TLE4: variants seen among roughly 807,000 people sequenced by gnomAD.
TLE4 encodes TLE family member 4, transcriptional corepressor.
A neutral mutation model predicts 92.8 loss-of-function variants in TLE4; 8 were observed. The ratio of observed to expected loss-of-function variants is 0.09; its 90% CI spans 0.05 to 0.16. The LOEUF (loss-of-function observed/expected upper bound fraction) is 0.16, where lower values mean the gene tolerates loss of function less well. Ranked by LOEUF, TLE4 falls within the 10% of genes least tolerant of loss-of-function variation. The pLI, the probability that TLE4 is intolerant of heterozygous loss-of-function variation, is 1.00. For missense variants in TLE4, 675 were observed against 997.6 expected, an observed-to-expected ratio of 0.68 and a Z score of 4.36; for synonymous variants, 371 against 374.1, an observed-to-expected ratio of 0.99 and a Z score of 0.10.
intron 14 of TLE4, chr9:79,717,936 G>T (rs1047065249): frequency 6.6e-6 from 3 of 456,028 alleles, no homozygotes; most frequent in African/African-American, 6.0e-5. Flanking sequence ...CCTGACTTCA[G>T]TGCCCTAAAA....
chr9:79,576,850 G>A (rs1388838221), intron 4 of TLE4: 1 of 151,224 alleles, frequency 6.6e-6, no homozygotes, highest in Non-Finnish European at 1.5e-5. Context: ...TGAGAGATAC[G>A]ACTCAAACAG....
chr9:79,572,742 C>G lies in TLE4; in HGVS notation c.-49C>G. 1 of 1,585,960 alleles carries G rather than the reference C, an allele frequency of 6.3e-7. No homozygotes were observed. The highest frequency in any genetic ancestry group is 8.6e-7 in the Non-Finnish European group (1 of 1,166,456). On this transcript the variant is annotated 5_prime_UTR_variant, in exon 1 of 20. Transcript: ENST00000376552. ...CGCCTCCTCTTCGGGGTCATTAAAG[C>G]CAATGAGCCGCGCGCCTCTGCCGAG...
intron 12 of TLE4, 140 bp from the exon 13 acceptor site, chr9:79,708,453 T>C: frequency 9.1e-7 from 1 of 1,103,792 alleles, no homozygotes; most frequent in Non-Finnish European, 1.3e-6. Flanking sequence ...AATGAGTGAA[T>C]TCTGAAGGCT....
chr9:79,606,184 G>GTTTTTTTTTTTTTTTTTTTTT (rs1288414778), intron 4 of TLE4, among the ~76,000 whole-genome samples: 2 of 18,374 alleles, frequency 1.1e-4, no homozygotes, highest in Non-Finnish European at 1.2e-4. Context: ...AGCAGTAGTA[G>GTTTTTTTTTTTTTTTTTTTTT]TTGTTTTTTT....
chr9:79,606,258 A>C (rs1304026840), intron 4 of TLE4, among the ~76,000 whole-genome samples: 3 of 109,472 alleles, frequency 2.7e-5, no homozygotes, highest in Non-Finnish European at 5.1e-5. Context: ...AAGCTTAGGC[A>C]TGTGGTTTAC....
chr9:79,610,930 T>C (rs1400585424), intron 4 of TLE4, among the ~76,000 whole-genome samples: 1 of 151,986 alleles, frequency 6.6e-6, no homozygotes, highest in African/African-American at 2.4e-5. Flanking sequence ...GACTATTTTA[T>C]TTATGTAAAC....
intron 4 of TLE4, among the ~76,000 whole-genome samples, chr9:79,602,183 A>T (rs2045813889): frequency 1.3e-5 from 2 of 152,208 alleles, no homozygotes; most frequent in African/African-American, 4.8e-5. Flanking sequence ...CCATCTCCAT[A>T]ATGTGAAAGT....
chr9:79,607,736 A>G (rs959265761), intron 4 of TLE4, among the ~76,000 whole-genome samples: 1 of 151,730 alleles, frequency 6.6e-6, no homozygotes, highest in African/African-American at 2.4e-5. Context: ...ATTGGTCTAT[A>G]TCTCTGTTTT....
intron 8 of TLE4, among the ~76,000 whole-genome samples, chr9:79,659,253 C>T (rs1049140035): frequency 1.3e-4 from 20 of 152,202 alleles, no homozygotes; most frequent in African/African-American, 3.1e-4. Flanking sequence ...GTACAAAGAA[C>T]GCCTCATACA....
Position 79,651,268 on chromosome 9 carries a change from G to A in TLE4, c.391-1325G>A, listed in dbSNP as rs578058664. Reference sequence around the variant, plus strand: ...AATATTGCTAAGCAGGGTTTGAGTTGAAGGGATTCCTATTGAGTAATACAT... The same window carrying A: ...AATATTGCTAAGCAGGGTTTGAGTTAAAGGGATTCCTATTGAGTAATACAT... On this transcript the variant is annotated intron_variant, in intron 6 of 19. Transcript: ENST00000376552. Among the ~76,000 whole-genome samples, 7 of 152,232 alleles carry A rather than the reference G, an allele frequency of 4.6e-5. No individual in the cohort carries two copies. The South Asian group carries it at 8.3e-4, about 18-fold the overall frequency.
intron 8 of TLE4, chr9:79,671,264 T>C: frequency 2.2e-6 from 1 of 456,542 alleles, no homozygotes; most frequent in South Asian, 1.5e-5. Context: ...GGAAGAACCT[T>C]CTGGGTTCCT....
At chr9:79,573,899 ATT>A in intron 2 of TLE4, 113 bp downstream of exon 2, 1 of 687,436 alleles carries the variant, frequency 1.5e-6, no homozygotes, top group Non-Finnish European at 2.1e-6. Flanking sequence ...CAAAGGTATT[ATT>A]TTTTTTTCTC....
intron 8 of TLE4, among the ~76,000 whole-genome samples, chr9:79,658,417 GATTC>G (rs1158339074): frequency 7.2e-5 from 11 of 151,984 alleles, no homozygotes; most frequent in Admixed American, 2.0e-4. Flanking sequence ...TTTTTATAAT[GATTC>G]ATTCATTATT....
chr9:79,714,571 A>C (rs929367452), intron 14 of TLE4, among the ~76,000 whole-genome samples: 2 of 152,170 alleles, frequency 1.3e-5, no homozygotes, highest in Non-Finnish European at 2.9e-5. Context: ...ATTCTTTAAA[A>C]ACCCATCTCT....
intron 8 of TLE4, among the ~76,000 whole-genome samples, chr9:79,671,840 C>T (rs1190432096): frequency 1.3e-5 from 2 of 151,556 alleles, no homozygotes; most frequent in Non-Finnish European, 2.9e-5. Context: ...ACTATACTCC[C>T]ACCCCTACTC....
rs1252448254 is a variant in TLE4 at position 79,612,736 on chromosome 9, A to G, written c.315+18A>G. ...CCCAAGAGGTAAGGTAGTTGATTTT[A>G]GGCACTGGACTAGAAGTTGCCATTT... On this transcript the variant is annotated intron_variant, in intron 5 of 19. Transcript: ENST00000376552. 6.2e-7 allele frequency: 1 copy of G among 1,611,672 alleles called. No homozygotes were observed. Among genetic ancestry groups the G allele is most frequent in the Non-Finnish European group, 8.5e-7 (1 of 1,178,094 alleles).
At chr9:79,628,873 AGTGTGT>A (rs34212290) in intron 6 of TLE4, among the ~76,000 whole-genome samples, 9,724 of 148,016 alleles carry the variant, frequency 0.066, 325 homozygotes, top group African/African-American at 0.087. Context: ...TTTAAAGTTA[AGTGTGT>A]GTGTGTGTGT....
intron 8 of TLE4, among the ~76,000 whole-genome samples, chr9:79,700,809 G>A (rs561298964): frequency 1.3e-5 from 2 of 152,026 alleles, no homozygotes; most frequent in African/African-American, 4.8e-5. Context: ...GCTTGTGACC[G>A]TGACTCTCCA....
chr9:79,643,199 G>A (rs780525092), intron 6 of TLE4, among the ~76,000 whole-genome samples: 4 of 152,262 alleles, frequency 2.6e-5, no homozygotes, highest in East Asian at 1.9e-4. Context: ...ACCGGTTAAC[G>A]TATCGTCACT....
Sources: allele counts gnomAD v4.1 joint callset (sites outside exome capture counted in the v4.1 genomes callset), GRCh38; gene constraint gnomAD v4.1.1; transcripts MANE v1.5; gene names NCBI Gene and HGNC (gene_info 2026-07-23, HGNC 2026-07-21).